Variants in CMIP observed in about 807,000 individuals in gnomAD.
CMIP encodes c-Maf inducing protein.
A neutral mutation model predicts 97.3 loss-of-function variants in CMIP; 13 were observed. The observed-to-expected ratio is 0.13, with a 90% CI of 0.09 to 0.21. The LOEUF (loss-of-function observed/expected upper bound fraction) is 0.21. Among genes scored for constraint, CMIP ranks in the 10% least tolerant of loss-of-function variants. CMIP has a pLI of 1.00. For synonymous variants in CMIP, 538 were observed against 436.3 expected (o/e 1.23, Z -2.91); for missense variants, 847 against 1,024.9 (o/e 0.83, Z 2.37).
At chr16:81,675,192 G>T (rs1322623137) in intron 9 of CMIP, among the ~76,000 whole-genome samples, 1 of 152,018 alleles carries the variant, frequency 6.6e-6, no homozygotes, top group East Asian at 1.9e-4. Context: ...ATTCGTCACA[G>T]TGTTTTTGTT....
chr16:81,637,725 C>T (rs2092254552), intron 3 of CMIP, among the ~76,000 whole-genome samples: 1 of 152,068 alleles, frequency 6.6e-6, no homozygotes, highest in South Asian at 2.1e-4. Flanking sequence ...GCCCATAGGT[C>T]GTAGAGTGAG....
chr16:81,548,206 G>A (rs778012852), intron 1 of CMIP, among the ~76,000 whole-genome samples: 18 of 146,668 alleles, frequency 1.2e-4, no homozygotes, highest in Non-Finnish European at 1.9e-4. Context: ...CAATCATGGC[G>A]CACTGCAGCC....
At chr16:81,639,317 A>G (rs2092275588) in intron 3 of CMIP, among the ~76,000 whole-genome samples, 3 of 152,246 alleles carry the variant, frequency 2.0e-5, no homozygotes, top group Non-Finnish European at 2.9e-5. Context: ...TTTAGGTGGC[A>G]GTTCAGTGGT....
chr16:81,619,053 T>C (rs185171024), intron 2 of CMIP: 1 of 152,400 alleles, frequency 6.6e-6, no homozygotes, highest in East Asian at 1.9e-4. Context: ...GGGCACAGGC[T>C]TGGGTCGTCA....
chr16:81,496,342 C>G (rs574123207), intron 1 of CMIP, among the ~76,000 whole-genome samples: 2 of 152,264 alleles, frequency 1.3e-5, no homozygotes, highest in East Asian at 3.9e-4. Flanking sequence ...TTCATGGGGG[C>G]GATCCTACTT....
chr16:81,529,694 G>A lies in CMIP; in HGVS notation c.301-77873G>A, dbSNP rs183091963. Among the ~76,000 whole-genome samples the A allele has an allele frequency of 4.3e-3, 659 of 152,294 alleles. 2 individuals carry two copies. The highest frequency in any genetic ancestry group is 7.3e-3 in the Non-Finnish European group (494 of 68,010). ...GACAGAGGGAGGTGGGAGAGTCTGAGTCTGAGGAGGAGATGTGCGGAGGCA... is the reference window on the plus strand; with the variant it reads ...GACAGAGGGAGGTGGGAGAGTCTGAATCTGAGGAGGAGATGTGCGGAGGCA... On this transcript the variant is annotated intron_variant, in intron 1 of 20. Transcript: ENST00000537098.
rs1361675478 is a variant in CMIP, at chr16:81,613,605, G to C, written c.426+5913G>C. Among the ~76,000 whole-genome samples, 3 of 152,280 alleles carry C rather than the reference G, an allele frequency of 2.0e-5. No individual in the cohort carries two copies. In the South Asian group the frequency reaches 6.2e-4, roughly 32 times the overall value. On this transcript the variant is annotated intron_variant, in intron 2 of 20. Coordinates refer to ENST00000537098, the MANE Select transcript of CMIP (RefSeq NM_198390.3). ...GTAGATATTACATGTAAAATACTTA[G>C]CACTGTGCCTGGTACTTAGTAGGTG...
At chr16:81,536,492 A>G (rs1160084412) in intron 1 of CMIP, among the ~76,000 whole-genome samples, 1 of 152,226 alleles carries the variant, frequency 6.6e-6, no homozygotes, top group Non-Finnish European at 1.5e-5. Flanking sequence ...ACAGAACATA[A>G]TGCCCTGTCC....
At chr16:81,461,330 A>G (rs954627325) in intron 1 of CMIP, among the ~76,000 whole-genome samples, 2 of 151,682 alleles carry the variant, frequency 1.3e-5, no homozygotes, top group African/African-American at 4.8e-5. Context: ...TTTTGTTTTT[A>G]TAATTAGAAT....
At chr16:81,577,806 G>A (rs12446114) in intron 1 of CMIP, among the ~76,000 whole-genome samples, 1,539 of 15,728 alleles carry the variant, frequency 0.098, 138 homozygotes, top group African/African-American at 0.14. Context: ...CATCATCACC[G>A]TCATCCCCAT....
intron 1 of CMIP, among the ~76,000 whole-genome samples, chr16:81,498,187 C>T (rs1425947413): frequency 6.6e-6 from 1 of 152,228 alleles, no homozygotes; most frequent in African/African-American, 2.4e-5. Context: ...GCTTCCTTGT[C>T]TGAAAACGTG....
intron 1 of CMIP, among the ~76,000 whole-genome samples, chr16:81,534,705 G>A (rs1206290248): frequency 6.6e-6 from 1 of 151,988 alleles, no homozygotes; most frequent in African/African-American, 2.4e-5. Context: ...CTACACCCAG[G>A]ATAAATTTTT....
intron 1 of CMIP, among the ~76,000 whole-genome samples, chr16:81,554,146 G>T (rs770919035): frequency 6.6e-6 from 1 of 152,186 alleles, no homozygotes; most frequent in Non-Finnish European, 1.5e-5. Context: ...CATTGAGGGC[G>T]GATACCCAAT....
In CMIP at chr16:81,549,547, C is replaced by CG. The variant is rs746061297; in HGVS notation, c.301-58014dup. 1.3e-3 allele frequency among the ~76,000 whole-genome samples: 198 copies of CG among 151,568 alleles called. 3 individuals carry two copies. Among genetic ancestry groups the CG allele is most frequent in the Non-Finnish European group, 2.2e-3 (147 of 67,890 alleles). On this transcript the variant is annotated intron_variant, in intron 1 of 20. Coordinates refer to ENST00000537098, the MANE Select transcript of CMIP (RefSeq NM_198390.3). ...GGCTGGGCTCTGTGTGTGTTGGGGG[C>CG]GGGGGGCGGAGGATATTGAAGAAGC...
At position 81,690,833 on chromosome 16, in the gene CMIP, C is replaced by G. The variant is rs568944250; in HGVS notation, c.1389-942C>G. ...CCCAGCTGCTCGGAAGGCTGAGGCA[C>G]GAGAATCACTTGAACCCAGGAGGTG... On this transcript the variant is annotated intron_variant, in intron 10 of 20. Transcript: ENST00000537098. Among the ~76,000 whole-genome samples, 11 of 152,174 alleles carry G rather than the reference C, an allele frequency of 7.2e-5. No individual in the cohort carries two copies. In the East Asian group the frequency reaches 1.9e-3, roughly 27 times the overall value.
intron 1 of CMIP, among the ~76,000 whole-genome samples, chr16:81,588,397 A>T (rs1404970661): frequency 6.6e-6 from 1 of 152,138 alleles, no homozygotes. Context: ...CTGAAGGCAG[A>T]AGTTTTCTCT....
At chr16:81,594,410 G>A (rs532684993) in intron 1 of CMIP, among the ~76,000 whole-genome samples, 2 of 150,882 alleles carry the variant, frequency 1.3e-5, no homozygotes, top group East Asian at 2.0e-4. Flanking sequence ...GTGAGCCACC[G>A]CGCCTGGCCA....
chr16:81,699,540 G>C, intron 14 of CMIP, 145 bp from the exon 15 acceptor site: 1 of 600,890 alleles, frequency 1.7e-6, no homozygotes, highest in African/African-American at 1.9e-5. Flanking sequence ...CATCCCCCTG[G>C]GGCCTGGTGA....
chr16:81,488,908 C>T (rs1597469885), intron 1 of CMIP, among the ~76,000 whole-genome samples: 2 of 152,132 alleles, frequency 1.3e-5, no homozygotes, highest in Admixed American at 6.5e-5. Flanking sequence ...CTGTCTCTGG[C>T]AGGCACTGGA....
Sources: gnomAD v4.1 joint callset for allele counts (sites outside exome capture counted in the v4.1 genomes callset) on GRCh38, gnomAD v4.1.1 for gene constraint, MANE v1.5 for transcripts, NCBI Gene and HGNC (gene_info 2026-07-23, HGNC 2026-07-21) for gene names.